Variants in PCDH19 observed in about 807,000 individuals in gnomAD.
PCDH19 encodes the protein protocadherin-19.
Under a neutral mutation model 46.2 loss-of-function variants are expected in PCDH19, and 6 were observed. That is an observed-to-expected ratio of 0.13 (90% confidence interval 0.07 to 0.26). The LOEUF is 0.26. PCDH19 is among the 10% of genes least tolerant of loss of function. PCDH19 has a pLI of 1.00. For synonymous variants in PCDH19, 481 were observed against 415.7 expected, an observed-to-expected ratio of 1.16 and a Z score of -1.91; for missense variants, 740 against 972.3, an observed-to-expected ratio of 0.76 and a Z score of 3.18.
chrX:100,391,166 T>G (rs1927851287), intron 3 of PCDH19, among the ~76,000 whole-genome samples: 1 of 111,256 alleles, frequency 9.0e-6, no homozygotes, highest in Non-Finnish European at 1.9e-5. Flanking sequence ...ATACCCAACT[T>G]AAAAGGAGAT....
At chrX:100,378,669 C>T (rs1294392352) in intron 3 of PCDH19, among the ~76,000 whole-genome samples, 2 of 112,287 alleles carry the variant, frequency 1.8e-5, no homozygotes, top group East Asian at 2.8e-4. Context: ...TCACTGGAAC[C>T]GTCTGAACAA....
chrX:100,335,200 A>T (rs1926047748), intron 5 of PCDH19, among the ~76,000 whole-genome samples: 1 of 111,473 alleles, frequency 9.0e-6, no homozygotes, highest in Non-Finnish European at 1.9e-5. Context: ...TTTTGAACTA[A>T]AAAAAAGAAA....
chrX:100,363,211 G>A (rs1234605956), intron 3 of PCDH19, among the ~76,000 whole-genome samples: 2 of 109,860 alleles, frequency 1.8e-5, no homozygotes, highest in African/African-American at 6.7e-5. Flanking sequence ...GGCTGAGGCA[G>A]GAGAATCGCT....
intron 3 of PCDH19, among the ~76,000 whole-genome samples, chrX:100,374,456 G>A (rs1318469661): frequency 9.0e-6 from 1 of 111,645 alleles, no homozygotes. Context: ...GAAAGGGGGT[G>A]GCTAGATTTC....
In PCDH19 at chrX:100,408,487, C is replaced by G; in HGVS notation, c.111G>C (p.Thr37=). Reference sequence around the variant, plus strand: ...CGTCTTTGGCCACGTTGGCAATCACCGTCCCGGCGCGCTGCTCCTCTTCTA... The same window carrying G: ...CGTCTTTGGCCACGTTGGCAATCACGGTCCCGGCGCGCTGCTCCTCTTCTA... ...YSVEEEQRAG[T]VIANVAKDAR... Residue 37 remains threonine, a synonymous_variant, in exon 1 of 6, where the codon ACG becomes ACC. Transcript: ENST00000373034. 2 of 1,202,236 alleles carry G rather than the reference C, an allele frequency of 1.7e-6. No individual in the cohort carries two copies. The highest frequency in any genetic ancestry group is 2.2e-6 in the Non-Finnish European group (2 of 892,798).
chrX:100,381,631 C>T (rs994489869), intron 3 of PCDH19, among the ~76,000 whole-genome samples: 2 of 111,847 alleles, frequency 1.8e-5, no homozygotes, highest in African/African-American at 6.5e-5. Context: ...CAATTATCAA[C>T]CATTAAATTA....
intron 3 of PCDH19, among the ~76,000 whole-genome samples, chrX:100,362,845 T>A (rs765315657): frequency 4.0e-4 from 43 of 106,256 alleles, no homozygotes; most frequent in African/African-American, 1.4e-3. Context: ...CAGATGGTTA[T>A]AAGCTTCAAA....
chrX:100,330,368 G>T (rs1656173655), intron 5 of PCDH19, among the ~76,000 whole-genome samples: 1 of 112,324 alleles, frequency 8.9e-6, no homozygotes, highest in Non-Finnish European at 1.9e-5. Context: ...TTATTATTAT[G>T]CAAGTTAAGG....
chrX:100,301,793 C>T (rs1172304164), intron 5 of PCDH19, among the ~76,000 whole-genome samples: 3 of 112,130 alleles, frequency 2.7e-5, no homozygotes, highest in Non-Finnish European at 5.6e-5. Flanking sequence ...ACCTATCTAA[C>T]TCCTACTCTA....
intron 3 of PCDH19, among the ~76,000 whole-genome samples, chrX:100,362,252 G>A (rs941080735): frequency 9.0e-6 from 1 of 110,638 alleles, no homozygotes; most frequent in Non-Finnish European, 1.9e-5. Context: ...CCTTTCTCTC[G>A]AAGGAAGCTG....
At chrX:100,373,084 C>T (rs1314474638) in intron 3 of PCDH19, among the ~76,000 whole-genome samples, 1 of 112,821 alleles carries the variant, frequency 8.9e-6, no homozygotes, top group Non-Finnish European at 1.9e-5. Flanking sequence ...CCTCAGCTCA[C>T]TGCAACCTCC....
At chrX:100,314,624 C>T (rs1026139920) in intron 5 of PCDH19, among the ~76,000 whole-genome samples, 2 of 111,306 alleles carry the variant, frequency 1.8e-5, no homozygotes, top group Non-Finnish European at 3.8e-5. Flanking sequence ...CTGTTCTATC[C>T]GCTTTCTCTT....
At chrX:100,354,192 A>G (rs1365683524) in intron 3 of PCDH19, among the ~76,000 whole-genome samples, 1 of 111,578 alleles carries the variant, frequency 9.0e-6, no homozygotes, top group African/African-American at 3.3e-5. Context: ...GCCCAAACCC[A>G]ACTCCTGTGC....
Position 100,376,443 on chromosome X carries a change from A to G in PCDH19, c.2617-25739T>C, listed in dbSNP as rs73630683. 2.1e-3 allele frequency among the ~76,000 whole-genome samples: 229 copies of G among 111,024 alleles called. 3 individuals carry two copies. The highest frequency in any genetic ancestry group is 7.1e-3 in the African/African-American group (216 of 30,567). On this transcript the variant is annotated intron_variant, in intron 3 of 5. Transcript: ENST00000373034. ...TAAAATGACACAATATTTTATTGTT[A>G]AAGAAAAAACTTAAACCAAAGCTTG...
intron 3 of PCDH19, among the ~76,000 whole-genome samples, chrX:100,373,783 G>C (rs1212148315): frequency 8.9e-6 from 1 of 112,826 alleles, no homozygotes; most frequent in Non-Finnish European, 1.9e-5. Flanking sequence ...ACAGGCTGCA[G>C]AGCAAGGCAA....
intron 3 of PCDH19, among the ~76,000 whole-genome samples, chrX:100,383,244 T>C (rs756067824): frequency 9.8e-5 from 11 of 112,534 alleles, no homozygotes; most frequent in Non-Finnish European, 1.9e-4. Context: ...CCCATTACTC[T>C]TATTTTACAG....
At chrX:100,325,443 C>A (rs1569292555) in intron 5 of PCDH19, among the ~76,000 whole-genome samples, 1 of 103,565 alleles carries the variant, frequency 9.7e-6, no homozygotes, top group Non-Finnish European at 1.9e-5. Context: ...GGTCTCGGCT[C>A]ACTGCAACCT....
At chrX:100,384,842 G>T (rs957793112) in intron 3 of PCDH19, among the ~76,000 whole-genome samples, 1 of 111,366 alleles carries the variant, frequency 9.0e-6, no homozygotes, top group African/African-American at 3.3e-5. Context: ...TTGTCAAATT[G>T]CCCTCTATGG....
At chrX:100,333,170 GAA>G (rs1491213380) in intron 5 of PCDH19, among the ~76,000 whole-genome samples, 5 of 26,602 alleles carry the variant, frequency 1.9e-4, no homozygotes, top group Admixed American at 4.6e-4. Context: ...AGGAAGGAAG[GAA>G]GGGAGAGAGA....
Sources: allele counts gnomAD v4.1 joint callset (sites outside exome capture counted in the v4.1 genomes callset), GRCh38; gene constraint gnomAD v4.1.1; transcripts MANE v1.5; gene names NCBI Gene and HGNC (gene_info 2026-07-23, HGNC 2026-07-21).